Variants in TUT7 observed in about 807,000 individuals in gnomAD.
The protein encoded by TUT7 is terminal uridylyl transferase 7.
TUT7 carries 33 observed loss-of-function variants against 165.9 expected under a neutral mutation model. The ratio of observed to expected loss-of-function variants is 0.20; its 90% CI spans 0.15 to 0.27. TUT7 has a LOEUF of 0.27. TUT7 is among the 10% of genes least tolerant of loss of function. The pLI, the probability that TUT7 is intolerant of heterozygous loss-of-function variation, is 1.00. For missense variants in TUT7, 1,338 were observed against 1,762.3 expected (o/e 0.76, Z 4.31); for synonymous variants, 552 against 608.1 (o/e 0.91, Z 1.36).
chr9:86,321,131 T>C (rs1040308475), intron 14 of TUT7, among the ~76,000 whole-genome samples: 2 of 151,220 alleles, frequency 1.3e-5, no homozygotes, highest in African/African-American at 4.9e-5. Context: ...GGCGAGCGGA[T>C]CACTGGAGGT....
chr9:86,340,384 A>T (rs927165327), intron 7 of TUT7, among the ~76,000 whole-genome samples: 1 of 152,266 alleles, frequency 6.6e-6, no homozygotes, highest in Admixed American at 6.5e-5. Flanking sequence ...GATAACAATT[A>T]GAAATATAGG....
chr9:86,310,286 C>T (rs115546325), intron 18 of TUT7, among the ~76,000 whole-genome samples: 1 of 151,992 alleles, frequency 6.6e-6, no homozygotes, highest in African/African-American at 2.4e-5. Context: ...AGGAAGAAGA[C>T]ATTTCAACTG....
intron 22 of TUT7, among the ~76,000 whole-genome samples, chr9:86,306,487 A>C (rs1827496405): frequency 1.3e-5 from 2 of 152,194 alleles, no homozygotes; most frequent in Admixed American, 1.3e-4. Flanking sequence ...TGGAGATACT[A>C]CAATATTAGC....
chr9:86,303,041 T>C, intron 25 of TUT7, 45 bp downstream of exon 25: 1 of 907,232 alleles, frequency 1.1e-6, no homozygotes, highest in Non-Finnish European at 1.7e-6. Flanking sequence ...AATTGGGACA[T>C]TAAGAAAATA....
intron 6 of TUT7, 133 bp from the exon 7 acceptor site, chr9:86,341,186 C>T (rs960766156): frequency 9.5e-6 from 7 of 738,276 alleles, no homozygotes; most frequent in African/African-American, 3.5e-5. Flanking sequence ...AAAGAAATTA[C>T]TCACTATGTT....
At chr9:86,333,506 T>C (rs1830500585) in intron 10 of TUT7, among the ~76,000 whole-genome samples, 1 of 152,250 alleles carries the variant, frequency 6.6e-6, no homozygotes, top group Non-Finnish European at 1.5e-5. Flanking sequence ...AGTCTACTAA[T>C]GAGCCCAAAG....
At chr9:86,319,729 G>A in intron 14 of TUT7, 59 bp from the exon 15 acceptor site, 2 of 1,155,046 alleles carry the variant, frequency 1.7e-6, no homozygotes, top group East Asian at 2.6e-5. Flanking sequence ...CTTAGAAAAA[G>A]CTGAAAAAAA....
chr9:86,310,119 A>G (rs1253493710), intron 18 of TUT7, 102 bp from the exon 19 acceptor site: 2 of 980,754 alleles, frequency 2.0e-6, no homozygotes, highest in African/African-American at 3.4e-5. Flanking sequence ...GGATCTCACT[A>G]TGTTGCCCAG....
chr9:86,296,760 T>A (rs553087048), intron 26 of TUT7, among the ~76,000 whole-genome samples: 1 of 152,320 alleles, frequency 6.6e-6, no homozygotes, highest in East Asian at 1.9e-4. Context: ...CTTGAGAAAC[T>A]ACAAGTGGGC....
At chr9:86,328,514 C>G (rs1830010373) in intron 10 of TUT7, 22 bp from the exon 11 acceptor site, 15 of 1,582,310 alleles carry the variant, frequency 9.5e-6, no homozygotes, top group Non-Finnish European at 1.3e-5. Flanking sequence ...TAGACACATG[C>G]TAAAATAAGA....
intron 8 of TUT7, 80 bp downstream of exon 8, chr9:86,339,956 T>G: frequency 1.9e-6 from 2 of 1,032,718 alleles, no homozygotes; most frequent in South Asian, 2.6e-5. Context: ...ATTCTAGAAA[T>G]TGGACATTAA....
At chr9:86,312,355 T>C (rs1299165636) in intron 17 of TUT7, among the ~76,000 whole-genome samples, 1 of 149,954 alleles carries the variant, frequency 6.7e-6, no homozygotes, top group African/African-American at 2.5e-5. Flanking sequence ...AACCGCCCAG[T>C]CTGAGAAGTG....
At chr9:86,337,603 G>A in intron 9 of TUT7, 65 bp from the exon 10 acceptor site, 2 of 1,542,332 alleles carry the variant, frequency 1.3e-6, no homozygotes, top group Non-Finnish European at 1.7e-6. Context: ...ACACGATTTG[G>A]CCTAAAACCT....
chr9:86,312,562 C>T (rs1828264714), intron 17 of TUT7, among the ~76,000 whole-genome samples: 1 of 152,114 alleles, frequency 6.6e-6, no homozygotes, highest in Non-Finnish European at 1.5e-5. Flanking sequence ...GCCGCCCCTA[C>T]TGGGAAGTGA....
At chr9:86,333,103 T>C (rs1830467647) in intron 10 of TUT7, among the ~76,000 whole-genome samples, 1 of 152,160 alleles carries the variant, frequency 6.6e-6, no homozygotes, top group African/African-American at 2.4e-5. Flanking sequence ...AAAATTTTAA[T>C]CATTTATTTT....
At chr9:86,343,904 T>C (rs988411834) in intron 5 of TUT7, among the ~76,000 whole-genome samples, 1 of 152,188 alleles carries the variant, frequency 6.6e-6, no homozygotes, top group African/African-American at 2.4e-5. Context: ...TCTTGTTTGT[T>C]TAAGGTTTGC....
intron 11 of TUT7, among the ~76,000 whole-genome samples, chr9:86,326,056 C>A (rs771757416): frequency 2.6e-5 from 4 of 152,214 alleles, no homozygotes; most frequent in African/African-American, 9.7e-5. Context: ...TTTACAGTTA[C>A]AGACTTCTGA....
At chr9:86,292,595 C>T (rs892414712) in intron 26 of TUT7, among the ~76,000 whole-genome samples, 4 of 145,158 alleles carry the variant, frequency 2.8e-5, no homozygotes, top group East Asian at 2.0e-4. Context: ...ACCTCAGTGA[C>T]AGGTCTTTTA....
chr9:86,291,572 C>CAA (rs969598470), intron 26 of TUT7, among the ~76,000 whole-genome samples: 3 of 48,048 alleles, frequency 6.2e-5, no homozygotes, highest in African/African-American at 2.2e-4. Flanking sequence ...AACTCCATCT[C>CAA]AAAAAAAAAA....
Sources: gnomAD v4.1 joint callset for allele counts (sites outside exome capture counted in the v4.1 genomes callset) on GRCh38, gnomAD v4.1.1 for gene constraint, MANE v1.5 for transcripts, NCBI Gene and HGNC (gene_info 2026-07-23, HGNC 2026-07-21) for gene names.